Variants in FOXN3 observed in about 807,000 individuals in gnomAD.
The protein encoded by FOXN3 is forkhead box N3, also known as forkhead box protein N3.
Under a neutral mutation model 38.4 loss-of-function variants are expected in FOXN3, and 7 were observed. The ratio of observed to expected loss-of-function variants is 0.18; its 90% CI spans 0.10 to 0.34. The LOEUF (loss-of-function observed/expected upper bound fraction) is 0.34, where lower values mean the gene tolerates loss of function less well. Among genes scored for constraint, FOXN3 ranks in the 10% least tolerant of loss-of-function variants. The pLI, the probability that FOXN3 is intolerant of heterozygous loss-of-function variation, is 1.00. For missense variants in FOXN3, 456 were observed against 613.4 expected (o/e 0.74, Z 2.71); for synonymous variants, 230 against 242.2 (o/e 0.95, Z 0.47).
At chr14:89,334,495 A>G (rs937372805) in intron 3 of FOXN3, among the ~76,000 whole-genome samples, 20 of 151,696 alleles carry the variant, frequency 1.3e-4, no homozygotes, top group Non-Finnish European at 2.7e-4. Context: ...CTGTAGTCTC[A>G]GCTATTCGAG....
At chr14:89,217,337 C>T (rs1884318291) in intron 4 of FOXN3, among the ~76,000 whole-genome samples, 1 of 152,138 alleles carries the variant, frequency 6.6e-6, no homozygotes, top group Non-Finnish European at 1.5e-5. Context: ...TGGGGTCTCT[C>T]TATGTTGCCC....
chr14:89,577,580 G>A (rs1319415603), intron 1 of FOXN3: 1 of 152,074 alleles, frequency 6.6e-6, no homozygotes, highest in Non-Finnish European at 1.5e-5. Context: ...GGGCAATCAC[G>A]GGGAATTTCT....
chr14:89,495,777 C>T (rs769930384), intron 1 of FOXN3, among the ~76,000 whole-genome samples: 7 of 152,190 alleles, frequency 4.6e-5, no homozygotes, highest in Admixed American at 6.5e-5. Context: ...GAGAGTTCCA[C>T]GAATTAACTT....
upstream of FOXN3, among the ~76,000 whole-genome samples, chr14:89,422,178 A>C (rs1891928540): frequency 1.3e-5 from 2 of 152,218 alleles, no homozygotes; most frequent in Non-Finnish European, 2.9e-5. Flanking sequence ...GGCCCATTAC[A>C]TTTATAATGT....
intron 5 of FOXN3, among the ~76,000 whole-genome samples, chr14:89,171,454 A>C (rs543386497): frequency 1.3e-5 from 2 of 152,350 alleles, no homozygotes; most frequent in East Asian, 3.9e-4. Context: ...ACTAAACTAG[A>C]TAAAGACAGA....
chr14:89,391,613 T>A (rs1890948898), intron 2 of FOXN3, among the ~76,000 whole-genome samples: 1 of 152,224 alleles, frequency 6.6e-6, no homozygotes, highest in Admixed American at 6.5e-5. Context: ...AATTCAAGCC[T>A]CAGCACCAAG....
intron 4 of FOXN3, among the ~76,000 whole-genome samples, chr14:89,195,529 G>A (rs1203897323): frequency 2.0e-5 from 3 of 152,192 alleles, no homozygotes; most frequent in East Asian, 3.8e-4. Context: ...CTGGGTAGCT[G>A]TTTGGTGGAC....
intron 4 of FOXN3, among the ~76,000 whole-genome samples, chr14:89,206,672 T>C (rs1596103031): frequency 2.0e-5 from 3 of 151,942 alleles, no homozygotes; most frequent in African/African-American, 2.4e-5. Flanking sequence ...CATCTTTCAA[T>C]AGGAAAAAAA....
At chr14:89,488,104 T>A (rs1302320440) in intron 1 of FOXN3, among the ~76,000 whole-genome samples, 4 of 147,016 alleles carry the variant, frequency 2.7e-5, no homozygotes, top group Admixed American at 6.7e-5. Context: ...TTTTTTTTTT[T>A]AAGACAGAGT....
At chr14:89,452,549 G>A (rs1892634130) in intron 1 of FOXN3, among the ~76,000 whole-genome samples, 1 of 152,220 alleles carries the variant, frequency 6.6e-6, no homozygotes, top group Non-Finnish European at 1.5e-5. Flanking sequence ...AAAGCCTGCT[G>A]GGGAAAGCCC....
At chr14:89,481,874 A>G (rs1893338725) in intron 1 of FOXN3, among the ~76,000 whole-genome samples, 2 of 152,052 alleles carry the variant, frequency 1.3e-5, no homozygotes, top group Admixed American at 1.3e-4. Context: ...TTACGGTCTA[A>G]ACCAGGATAT....
chr14:89,353,956 T>G (rs1889086479), intron 2 of FOXN3, among the ~76,000 whole-genome samples: 1 of 152,066 alleles, frequency 6.6e-6, no homozygotes, highest in Non-Finnish European at 1.5e-5. Context: ...GGTCTTGAAC[T>G]CCTGCATTTT....
At chr14:89,602,687 G>A (rs1225863458) in intron 1 of FOXN3, among the ~76,000 whole-genome samples, 1 of 151,704 alleles carries the variant, frequency 6.6e-6, no homozygotes, top group African/African-American at 2.4e-5. Context: ...TAGTAGAGAC[G>A]GGGTTTCACC....
intron 2 of FOXN3, among the ~76,000 whole-genome samples, chr14:89,364,231 G>A (rs534141054): frequency 1.4e-5 from 2 of 142,882 alleles, no homozygotes; most frequent in Admixed American, 7.2e-5. Flanking sequence ...TAACAAGATC[G>A]ACAATTACTC....
chr14:89,446,311 C>T (rs1434593200), intron 1 of FOXN3, among the ~76,000 whole-genome samples: 1 of 150,550 alleles, frequency 6.6e-6, no homozygotes, highest in Non-Finnish European at 1.5e-5. Context: ...GCCTCAGCCT[C>T]CCGAGTAGCT....
At chr14:89,214,830 C>G (rs1884219455) in intron 4 of FOXN3, among the ~76,000 whole-genome samples, 1 of 152,248 alleles carries the variant, frequency 6.6e-6, no homozygotes, top group Admixed American at 6.5e-5. Flanking sequence ...GCACAGGCTA[C>G]AACTAGCTCC....
At chr14:89,287,068 C>T (rs879940974) in intron 3 of FOXN3, among the ~76,000 whole-genome samples, 1 of 152,032 alleles carries the variant, frequency 6.6e-6, no homozygotes, top group Admixed American at 6.6e-5. Context: ...GCCTGCAAGC[C>T]GGGGGCAATG....
At chr14:89,176,355 T>C (rs573652136) in intron 5 of FOXN3, among the ~76,000 whole-genome samples, 1 of 147,166 alleles carries the variant, frequency 6.8e-6, no homozygotes, top group African/African-American at 2.4e-5. Context: ...TTTGCCACTC[T>C]GTGGAGGAAA....
intron 4 of FOXN3, among the ~76,000 whole-genome samples, chr14:89,277,205 T>G (rs1031740478): frequency 6.6e-6 from 1 of 152,138 alleles, no homozygotes; most frequent in Non-Finnish European, 1.5e-5. Flanking sequence ...ACGAATAAAA[T>G]AAAGAACACG....
Sources: gnomAD v4.1 joint callset for allele counts (sites outside exome capture counted in the v4.1 genomes callset) on GRCh38, gnomAD v4.1.1 for gene constraint, MANE v1.5 for transcripts, NCBI Gene and HGNC (gene_info 2026-07-23, HGNC 2026-07-21) for gene names.